The following BCL2L1 variants were observed in gnomAD, a reference collection of about 807,000 sequenced individuals.
BCL2L1 encodes the protein bcl-2-like protein 1.
In BCL2L1, 1 loss-of-function variant was observed where a neutral mutation model predicts 18.7. That is an observed-to-expected ratio of 0.05 (90% CI 0.02 to 0.25). The LOEUF is 0.25. Among genes scored for constraint, BCL2L1 ranks in the 10% least tolerant of loss-of-function variants. BCL2L1 has a pLI of 1.00. For missense variants in BCL2L1, 207 were observed against 304.9 expected (o/e 0.68, Z 2.39); for synonymous variants, 103 against 122.7 (o/e 0.84, Z 1.06).
intron 2 of BCL2L1, among the ~76,000 whole-genome samples, chr20:31,710,676 G>A (rs2061441152): frequency 6.6e-6 from 1 of 152,188 alleles, no homozygotes; most frequent in Admixed American, 6.5e-5. Context: ...AGAGGCCCAG[G>A]GCCCAGCAAT....
At position 31,665,842 on chromosome 20, in the gene BCL2L1, G is replaced by A; in HGVS notation, c.*107C>T. 6.9e-7 allele frequency: 1 copy of A among 1,443,782 alleles called. No homozygotes were observed. The highest frequency in any genetic ancestry group is 2.3e-5 in the East Asian group (1 of 43,582). 89.4% of individuals were successfully genotyped at this position (1,443,782 alleles called of 1,614,324 possible). On this transcript the variant is annotated 3_prime_UTR_variant, in exon 3 of 3. Coordinates refer to ENST00000307677, the MANE Select transcript of BCL2L1 (RefSeq NM_138578.3). ...GGCCCAACCCTGTGATGGGCAGGTG[G>A]GCATGGGCTGCATGTAGTGGTTCTC... is the stretch of plus-strand genomic sequence containing the variant.
intron 2 of BCL2L1, among the ~76,000 whole-genome samples, chr20:31,709,833 T>A (rs1399947556): frequency 2.3e-5 from 2 of 87,870 alleles, no homozygotes; most frequent in African/African-American, 5.3e-5. Flanking sequence ...AGAGCAAGAC[T>A]CCATCTCAAA....
chr20:31,692,314 C>A (rs1203046064), intron 2 of BCL2L1, among the ~76,000 whole-genome samples: 1 of 152,140 alleles, frequency 6.6e-6, no homozygotes, highest in East Asian at 1.9e-4. Flanking sequence ...GGGGACAACC[C>A]AAATAACCAC....
At chr20:31,707,549 C>T (rs749895126) in intron 2 of BCL2L1, among the ~76,000 whole-genome samples, 10 of 151,994 alleles carry the variant, frequency 6.6e-5, no homozygotes, top group African/African-American at 1.4e-4. Flanking sequence ...GAGGCTGAGG[C>T]GGACAGATCA....
intron 2 of BCL2L1, among the ~76,000 whole-genome samples, chr20:31,668,413 G>C (rs1333884193): frequency 1.3e-5 from 2 of 151,274 alleles, no homozygotes; most frequent in African/African-American, 2.4e-5. Flanking sequence ...TTTGCTTCCT[G>C]GGTACAAGCG....
chr20:31,672,845 CT>C (rs2060692561), intron 2 of BCL2L1, among the ~76,000 whole-genome samples: 1 of 152,130 alleles, frequency 6.6e-6, no homozygotes, highest in South Asian at 2.1e-4. Context: ...CCTGGCTTCA[CT>C]GCCCACATTT....
rs372160646 is a variant in BCL2L1, at chr20:31,683,769, CAAAAAAAAAA to C, written c.565-17693_565-17684del. 2.9e-4 allele frequency among the ~76,000 whole-genome samples: 23 copies of C among 80,692 alleles called. No homozygotes were observed. The East Asian group carries it at 0.013, about 46-fold the overall frequency. 52.9% of individuals were successfully genotyped at this position (80,692 alleles called of 152,430 possible). A position where few individuals can be genotyped will look rare whatever the true frequency, so the allele number is the denominator to read the frequency against. ...GGGCAACAAGAGTGAAACTCCATCT[CAAAAAAAAAA>C]AAAAAAAAAAAAAAAAAAAAAAAAA... is the stretch of plus-strand genomic sequence containing the variant. On this transcript the variant is annotated intron_variant, in intron 2 of 2. Transcript: ENST00000307677.
chr20:31,717,142 CT>C (rs2061549395), intron 2 of BCL2L1, among the ~76,000 whole-genome samples: 1 of 152,292 alleles, frequency 6.6e-6, no homozygotes, highest in Non-Finnish European at 1.5e-5. Context: ...GGAATTACCC[CT>C]ATGTCTATCC....
chr20:31,717,825 G>A (rs1034786458), intron 2 of BCL2L1, among the ~76,000 whole-genome samples: 2 of 152,202 alleles, frequency 1.3e-5, no homozygotes, highest in African/African-American at 4.8e-5. Context: ...CAACAATTAC[G>A]TTTCTATCAG....
chr20:31,685,122 G>T (rs1392070885), intron 2 of BCL2L1, among the ~76,000 whole-genome samples: 1 of 152,214 alleles, frequency 6.6e-6, no homozygotes. Context: ...GAGAAAGACA[G>T]CCAGGCGTGG....
At chr20:31,684,708 G>A (rs188082427) in intron 2 of BCL2L1, among the ~76,000 whole-genome samples, 118 of 152,298 alleles carry the variant, frequency 7.7e-4, no homozygotes, top group African/African-American at 2.7e-3. Flanking sequence ...AGCCCTCGGG[G>A]ATCCAAACCC....
At chr20:31,709,367 GGTGT>G (rs959090691) in intron 2 of BCL2L1, among the ~76,000 whole-genome samples, 1 of 150,892 alleles carries the variant, frequency 6.6e-6, no homozygotes, top group Non-Finnish European at 1.5e-5. Context: ...TGATCTTTTT[GGTGT>G]GTGTGTGTGT....
intron 2 of BCL2L1, among the ~76,000 whole-genome samples, chr20:31,695,208 A>G (rs925980307): frequency 3.9e-5 from 6 of 152,166 alleles, no homozygotes; most frequent in South Asian, 4.1e-4. Flanking sequence ...CTGGCTTCTC[A>G]CTGGTCTCCT....
At chr20:31,674,020 G>A (rs2060717028) in intron 2 of BCL2L1, among the ~76,000 whole-genome samples, 1 of 152,174 alleles carries the variant, frequency 6.6e-6, no homozygotes, top group Non-Finnish European at 1.5e-5. Context: ...GGAGGCTCCA[G>A]AATTTACCCA....
intron 2 of BCL2L1, among the ~76,000 whole-genome samples, chr20:31,692,873 T>A (rs1031200522): frequency 1.3e-5 from 2 of 151,600 alleles, no homozygotes; most frequent in African/African-American, 4.9e-5. Flanking sequence ...CGCACCACAC[T>A]GCACTACAGC....
chr20:31,717,931 G>A (rs556787299), intron 2 of BCL2L1, among the ~76,000 whole-genome samples: 38 of 152,224 alleles, frequency 2.5e-4, no homozygotes, highest in Non-Finnish European at 4.1e-4. Flanking sequence ...AAACACTTGT[G>A]TCCCTTCGGG....
chr20:31,717,798 A>G (rs2061560699), intron 2 of BCL2L1, among the ~76,000 whole-genome samples: 1 of 152,206 alleles, frequency 6.6e-6, no homozygotes, highest in African/African-American at 2.4e-5. Flanking sequence ...TTCTCCCCCA[A>G]CACAGTTCAT....
chr20:31,669,004 TAC>T (rs2122422906), intron 2 of BCL2L1, among the ~76,000 whole-genome samples: 1 of 152,164 alleles, frequency 6.6e-6, no homozygotes, highest in East Asian at 1.9e-4. Context: ...TTACAGGAAC[TAC>T]ACTACACAGA....
intron 2 of BCL2L1, among the ~76,000 whole-genome samples, chr20:31,681,725 T>C (rs1032097456): frequency 7.9e-5 from 12 of 152,246 alleles, no homozygotes; most frequent in Non-Finnish European, 1.6e-4. Context: ...CCTGCCCTCT[T>C]GGCCCTCTGT....
Sources: allele counts gnomAD v4.1 joint callset (sites outside exome capture counted in the v4.1 genomes callset), GRCh38; gene constraint gnomAD v4.1.1; transcripts MANE v1.5; gene names NCBI Gene and HGNC (gene_info 2026-07-23, HGNC 2026-07-21).